SPTB: variants seen among roughly 807,000 people sequenced by gnomAD.
SPTB encodes the protein spectrin beta, erythrocytic.
Under a neutral mutation model 256.2 loss-of-function variants are expected in SPTB, and 45 were observed. That is an observed-to-expected ratio of 0.18 (90% CI 0.14 to 0.23). The LOEUF (loss-of-function observed/expected upper bound fraction) is 0.23, where lower values mean the gene tolerates loss of function less well. SPTB is among the 10% of genes least tolerant of loss of function. The pLI is 1.00. For missense variants in SPTB, 2,715 were observed against 3,040.4 expected, an observed-to-expected ratio of 0.89 and a Z score of 2.52; for synonymous variants, 1,231 against 1,243.1, an observed-to-expected ratio of 0.99 and a Z score of 0.21.
At chr14:64,831,150 C>T (rs1011308229) in intron 1 of SPTB, among the ~76,000 whole-genome samples, 33 of 152,092 alleles carry the variant, frequency 2.2e-4, no homozygotes, top group Non-Finnish European at 7.4e-5. Context: ...AGTCTCACTT[C>T]CTCTCCACCA....
In SPTB at chr14:64,879,894, G is replaced by C. The variant is rs1193609317; in HGVS notation, c.-154C>G. On this transcript the variant is annotated 5_prime_UTR_variant, in exon 1 of 36. Coordinates refer to ENST00000644917, the MANE Select transcript of SPTB (RefSeq NM_001355436.2). ...CGGGGCTCCTGGCACAGCGGCCGCC[G>C]GGCGCCTGGTGCTGCCGAGCCGCGG... is the stretch of plus-strand genomic sequence containing the variant. 1 of 152,954 alleles carries C rather than the reference G, an allele frequency of 6.5e-6. No homozygotes were observed. The allele number at this position is 152,954 out of a possible 1,614,324, so 9.5% of individuals were successfully genotyped here.
intron 2 of SPTB, among the ~76,000 whole-genome samples, chr14:64,815,022 G>GTGTGTGCA (rs1566782374): frequency 4.0e-5 from 6 of 151,252 alleles, no homozygotes; most frequent in African/African-American, 1.5e-4. Flanking sequence ...GTGTGTATGT[G>GTGTGTGCA]TGTGTGTGCA....
intron 1 of SPTB, among the ~76,000 whole-genome samples, chr14:64,830,370 AT>A (rs1473848865): frequency 7.1e-5 from 7 of 98,528 alleles, no homozygotes; most frequent in African/African-American, 2.6e-4. Flanking sequence ...TATTATTATT[AT>A]TATTATTATT....
At position 64,844,739 on chromosome 14, in the gene SPTB, T is replaced by C. The variant is rs1250833365; in HGVS notation, c.-51-21594A>G. ...ACACCTACTCTTTGCAAGTCAGATTTACTATTCTCCCCAACTCCCTATCCC... is the reference window on the plus strand; with the variant it reads ...ACACCTACTCTTTGCAAGTCAGATTCACTATTCTCCCCAACTCCCTATCCC... On this transcript the variant is annotated intron_variant, in intron 1 of 35. Coordinates refer to ENST00000644917, the MANE Select transcript of SPTB (RefSeq NM_001355436.2). This position sits in a 1 kb window ranked among gnomAD's most constrained non-coding sequence, Gnocchi z 4.1. Among the ~76,000 whole-genome samples, 1 of 152,244 alleles carries C rather than the reference T, an allele frequency of 6.6e-6. No individual in the cohort carries two copies. The highest frequency in any genetic ancestry group is 1.9e-4 in the East Asian group (1 of 5,202).
At chr14:64,814,731 G>C (rs914621246) in intron 2 of SPTB, among the ~76,000 whole-genome samples, 3 of 152,058 alleles carry the variant, frequency 2.0e-5, no homozygotes, top group Non-Finnish European at 4.4e-5. Context: ...TGGCCAGGCT[G>C]GTCTCGAGCT....
Position 64,797,812 on chromosome 14 carries a change from A to G in SPTB, c.1099T>C (p.Phe367Leu). ...QEKGNLEVLL[F>L]TIQSRMRANN... Reference sequence around the variant, plus strand: ...GCTCTCATCCGGGACTGGATGGTAAAAAGTAGAACTTCCAGATTCCCCTTC... The same window carrying G: ...GCTCTCATCCGGGACTGGATGGTAAGAAGTAGAACTTCCAGATTCCCCTTC... Residue 367 changes from phenylalanine (F) to leucine (L), a missense_variant, in exon 10 of 36, where the codon TTT (phenylalanine) becomes CTT (leucine). By Grantham distance (22) the Phe-to-Leu change is conservative. Coordinates refer to ENST00000644917, the MANE Select transcript of SPTB (RefSeq NM_001355436.2). 1 of 1,614,134 alleles carries G rather than the reference A, an allele frequency of 6.2e-7. No homozygotes were observed. The highest frequency in any genetic ancestry group is 1.6e-4 in the Middle Eastern group (1 of 6,062).
chr14:64,816,085 C>T lies in SPTB; in HGVS notation c.148+6862G>A, dbSNP rs866551521. Among the ~76,000 whole-genome samples the T allele has an allele frequency of 3.9e-5, 6 of 152,168 alleles. No homozygotes were observed. Among genetic ancestry groups the T allele is most frequent in the African/African-American group, 1.4e-4 (6 of 41,424 alleles). ...AGAGGGTGATCCTTAGTAGTCAGAGCGAGCCCTAAAAACCCAAATCTAACC... is the reference window on the plus strand; with the variant it reads ...AGAGGGTGATCCTTAGTAGTCAGAGTGAGCCCTAAAAACCCAAATCTAACC... On this transcript the variant is annotated intron_variant, in intron 2 of 35. Transcript: ENST00000644917. The surrounding 1 kb of genome is among the most constrained non-coding windows in gnomAD (Gnocchi z 4.2).
In SPTB at chr14:64,799,831, C is replaced by T; in HGVS notation, c.980G>A (p.Ser327Asn). 6.2e-7 allele frequency: 1 copy of T among 1,614,244 alleles called. No individual in the cohort carries two copies. The highest frequency in any genetic ancestry group is 8.5e-7 in the Non-Finnish European group (1 of 1,180,048). The part of the protein sequence containing the change: ...WIEQTITVLN[S>N]RKFANSLTGV... The stretch of plus-strand genomic sequence containing the variant: ...CGTCAGCGAGTTGGCAAACTTGCGG[C>T]TGTTCAGGACAGTGATGGTCTGCTC... Residue 327 changes from serine (S) to asparagine (N), a missense_variant, in exon 9 of 36, where the codon AGC (serine) becomes AAC (asparagine). Physicochemically the swap from Ser to Asn is conservative, Grantham distance 46 (BLOSUM62 1). Coordinates refer to ENST00000644917, the MANE Select transcript of SPTB (RefSeq NM_001355436.2).
At chr14:64,869,621 ATTT>A (rs11302191) in intron 1 of SPTB, among the ~76,000 whole-genome samples, 2 of 139,526 alleles carry the variant, frequency 1.4e-5, no homozygotes, top group Admixed American at 7.2e-5. Flanking sequence ...GATTTTTTAA[ATTT>A]TTTTTTTTTT....
rs1279113935 is a variant in SPTB at position 64,800,029 on chromosome 14, G to A, written c.877-95C>T. The A allele has an allele frequency of 4.1e-6, 6 of 1,461,502 alleles. No individual in the cohort carries two copies. The East Asian group carries it at 1.4e-4, about 33-fold the overall frequency. 90.5% of individuals were successfully genotyped at this position (1,461,502 alleles called of 1,614,324 possible). ...CACAATCAAGGTGCCACGAAATGGG[G>A]CTCCCACCTCCTAAGCCCTGGAGTG... On this transcript the variant is annotated intron_variant, in intron 8 of 35. Transcript: ENST00000644917.
chr14:64,796,136 C>T lies in SPTB; in HGVS notation c.1341+421G>A, dbSNP rs2082764338. 6.6e-6 allele frequency among the ~76,000 whole-genome samples: 1 copy of T among 152,200 alleles called. No homozygotes were observed. Among genetic ancestry groups the T allele is most frequent in the Non-Finnish European group, 1.5e-5 (1 of 68,042 alleles). ...AGCTTTAAGTGAGAGGGAACAGATG[C>T]TCTGATGAAGAATCAGCCCTGGGGT... On this transcript the variant is annotated intron_variant, in intron 11 of 35. Coordinates refer to ENST00000644917, the MANE Select transcript of SPTB (RefSeq NM_001355436.2). The surrounding 1 kb of genome is among the most constrained non-coding windows in gnomAD (Gnocchi z 4.1).
chr14:64,754,449 C>A (rs1046771919), intron 32 of SPTB: 8 of 159,472 alleles, frequency 5.0e-5, no homozygotes, highest in African/African-American at 1.9e-4. Flanking sequence ...ACCCTGGCTG[C>A]CTTCCGCAAT....
chr14:64,833,879 C>G (rs117522541), intron 1 of SPTB, among the ~76,000 whole-genome samples: 1 of 152,126 alleles, frequency 6.6e-6, no homozygotes, highest in South Asian at 2.1e-4. Context: ...CAGTTCCCAC[C>G]GAGGACACAC....
In SPTB at chr14:64,769,601, C is replaced by T. The variant is rs753088107; in HGVS notation, c.5926G>A (p.Ala1976Thr). 17 of 1,613,992 alleles carry T rather than the reference C, an allele frequency of 1.1e-5. No individual in the cohort carries two copies. Among genetic ancestry groups the T allele is most frequent in the Non-Finnish European group, 1.4e-5 (17 of 1,180,040 alleles). The change falls in exon 28 of 36, where the codon GCC becomes ACC. Residue 1976 changes from alanine (A) to threonine (T), a missense_variant. Coordinates refer to ENST00000644917, the MANE Select transcript of SPTB (RefSeq NM_001355436.2). ...TGCAGTCCCCTCACCTCCTCTGAGGCCTGGTGCTGCCGCTGCAGCAGGGAC... is the reference window on the plus strand; with the variant it reads ...TGCAGTCCCCTCACCTCCTCTGAGGTCTGGTGCTGCCGCTGCAGCAGGGAC... ...GESLLQRQHQ[A>T]SEEIREKLQQ...
intron 8 of SPTB, 35 bp downstream of exon 8, chr14:64,800,721 G>A: frequency 6.4e-7 from 1 of 1,572,540 alleles, no homozygotes; most frequent in Non-Finnish European, 8.8e-7. Context: ...ACAAACAGGG[G>A]AAGAGTGACA....
At chr14:64,781,579 G>C (rs1255277256) in intron 20 of SPTB, among the ~76,000 whole-genome samples, 1 of 152,208 alleles carries the variant, frequency 6.6e-6, no homozygotes, top group African/African-American at 2.4e-5. Flanking sequence ...ACGCTGGCAA[G>C]GTTGCAGAGA....
chr14:64,859,297 T>G (rs1350969328), intron 1 of SPTB, among the ~76,000 whole-genome samples: 2 of 152,168 alleles, frequency 1.3e-5, no homozygotes, highest in Admixed American at 1.3e-4. Flanking sequence ...TTAAATAAAG[T>G]ATGGTTCTTC....
intron 2 of SPTB, among the ~76,000 whole-genome samples, chr14:64,817,373 A>G (rs1016837637): frequency 9.2e-5 from 14 of 152,324 alleles, no homozygotes; most frequent in African/African-American, 3.4e-4. Flanking sequence ...AATGATAGAT[A>G]TTTCTGTGGA....
At chr14:64,788,435 C>A (rs1465644226) in intron 15 of SPTB, among the ~76,000 whole-genome samples, 1 of 152,106 alleles carries the variant, frequency 6.6e-6, no homozygotes, top group East Asian at 1.9e-4. Context: ...CTGGGAGAGA[C>A]CAGGGATACG....
Sources: gnomAD v4.1 joint callset for allele counts (sites outside exome capture counted in the v4.1 genomes callset) on GRCh38, gnomAD v4.1.1 for gene constraint, Gnocchi (gnomAD v3.1) non-coding constraint, MANE v1.5 for transcripts, NCBI Gene and HGNC (gene_info 2026-07-23, HGNC 2026-07-21) for gene names.